The following PIK3AP1 variants were observed in gnomAD, a reference collection of about 807,000 sequenced individuals.
PIK3AP1 encodes the protein phosphoinositide 3-kinase adapter protein 1.
PIK3AP1 carries 21 observed loss-of-function variants against 88.1 expected under a neutral mutation model. That is an observed-to-expected ratio of 0.24 (90% CI 0.17 to 0.34). The LOEUF (loss-of-function observed/expected upper bound fraction) is 0.34, where lower values mean the gene tolerates loss of function less well. PIK3AP1 is among the 10% of genes least tolerant of loss of function. The pLI is 1.00. For missense variants in PIK3AP1, 828 were observed against 1,035.7 expected, an observed-to-expected ratio of 0.80 and a Z score of 2.75; for synonymous variants, 398 against 400.0, an observed-to-expected ratio of 1.00 and a Z score of 0.06.
intron 9 of PIK3AP1, 74 bp downstream of exon 9, chr10:96,628,324 T>C (rs770957349): frequency 7.0e-5 from 91 of 1,300,364 alleles, no homozygotes; most frequent in Non-Finnish European, 9.9e-5. Flanking sequence ...GCAACCCTCA[T>C]AGAGAACCAG....
intron 2 of PIK3AP1, among the ~76,000 whole-genome samples, chr10:96,692,721 A>T (rs1564986040): frequency 6.6e-6 from 1 of 152,240 alleles, no homozygotes; most frequent in Non-Finnish European, 1.5e-5. Context: ...TAGCCTATAA[A>T]AGGGGTATAG....
intron 8 of PIK3AP1, among the ~76,000 whole-genome samples, chr10:96,632,553 A>G (rs200832916): frequency 0.019 from 1,982 of 103,972 alleles, 47 homozygotes; most frequent in African/African-American, 0.056. Context: ...TGTGGAGCAC[A>G]TGTGTGTGGA....
intron 3 of PIK3AP1, among the ~76,000 whole-genome samples, chr10:96,656,028 G>C (rs1308225767): frequency 6.6e-6 from 1 of 152,220 alleles, no homozygotes; most frequent in East Asian, 1.9e-4. Context: ...ACCCACAAGG[G>C]TGAGGAAGCC....
In PIK3AP1 at chr10:96,594,392, C is replaced by T. The variant is rs558112492; in HGVS notation, c.*1185G>A. The T allele has an allele frequency of 5.3e-5, 8 of 152,316 alleles. No homozygotes were observed. The South Asian group carries it at 1.7e-3, about 32-fold the overall frequency. 9.4% of individuals were successfully genotyped at this position (152,316 alleles called of 1,614,324 possible). ...ATTTCTTATAATATCTAATACAATG[C>T]CTACACATCACTTCATTTACATGAA... On this transcript the variant is annotated 3_prime_UTR_variant, in exon 17 of 17. Coordinates refer to ENST00000339364, the MANE Select transcript of PIK3AP1 (RefSeq NM_152309.3). The surrounding 1 kb of genome is among the most constrained non-coding windows in gnomAD (Gnocchi z 4.6).
rs546849857 is a variant in PIK3AP1, at chr10:96,658,296, G to C, written c.431-1362C>G. Among the ~76,000 whole-genome samples, 9 of 152,232 alleles carry C rather than the reference G, an allele frequency of 5.9e-5. No individual in the cohort carries two copies. In the East Asian group the frequency reaches 1.7e-3, roughly 29 times the overall value. ...TTAGTTTGGCTGATTCCTGCAGCCTGGTTTCCTGGAAGAAAATTGGCCTCT... is the reference window on the plus strand; with the variant it reads ...TTAGTTTGGCTGATTCCTGCAGCCTCGTTTCCTGGAAGAAAATTGGCCTCT... On this transcript the variant is annotated intron_variant, in intron 2 of 16. Coordinates refer to ENST00000339364, the MANE Select transcript of PIK3AP1 (RefSeq NM_152309.3).
At chr10:96,623,572 G>T (rs4917745) in intron 10 of PIK3AP1, 35 bp from the exon 11 acceptor site, 1,440,985 of 1,534,756 alleles carry the variant, frequency 0.94, 678,571 homozygotes, top group East Asian at 1. Context: ...TACTGAAAAA[G>T]TATCAAAATC....
At chr10:96,657,744 C>A (rs773104196) in intron 2 of PIK3AP1, among the ~76,000 whole-genome samples, 1 of 152,040 alleles carries the variant, frequency 6.6e-6, no homozygotes, top group Non-Finnish European at 1.5e-5. Flanking sequence ...CATCAGATCC[C>A]CAAAGAGGGA....
At chr10:96,613,900 C>A (rs923191266) in intron 13 of PIK3AP1, among the ~76,000 whole-genome samples, 4 of 152,184 alleles carry the variant, frequency 2.6e-5, no homozygotes, top group African/African-American at 9.7e-5. Context: ...ATGGGGTGGG[C>A]ACTTTCACTT....
chr10:96,643,453 C>T (rs917754651), intron 8 of PIK3AP1, among the ~76,000 whole-genome samples: 6 of 152,098 alleles, frequency 3.9e-5, no homozygotes, highest in East Asian at 1.9e-4. Context: ...ACTTCAGGTC[C>T]GAAATCAAGG....
intron 2 of PIK3AP1, among the ~76,000 whole-genome samples, chr10:96,680,132 GTTC>G (rs934090480): frequency 2.0e-5 from 3 of 152,148 alleles, no homozygotes; most frequent in African/African-American, 7.2e-5. Flanking sequence ...CTTCTTGGTT[GTTC>G]TTCTCTGGAC....
chr10:96,601,176 T>C (rs1848882401), intron 16 of PIK3AP1, among the ~76,000 whole-genome samples: 1 of 152,132 alleles, frequency 6.6e-6, no homozygotes, highest in Non-Finnish European at 1.5e-5. Flanking sequence ...CCTCATTTTA[T>C]AGACAAGGAA....
chr10:96,647,266 T>C (rs1183256335), intron 7 of PIK3AP1, among the ~76,000 whole-genome samples: 1 of 152,220 alleles, frequency 6.6e-6, no homozygotes, highest in Non-Finnish European at 1.5e-5. Context: ...GTGCAAATCC[T>C]GTCTCTGCCC....
chr10:96,685,468 A>G (rs1844056063), intron 2 of PIK3AP1, among the ~76,000 whole-genome samples: 1 of 152,202 alleles, frequency 6.6e-6, no homozygotes, highest in African/African-American at 2.4e-5. Context: ...GCCAATGCTG[A>G]TGAAATAGCA....
intron 2 of PIK3AP1, among the ~76,000 whole-genome samples, chr10:96,682,653 G>T (rs1051444843): frequency 6.6e-6 from 1 of 151,780 alleles, no homozygotes; most frequent in African/African-American, 2.4e-5. Flanking sequence ...TTTTCTTTTC[G>T]CCCCATTAAT....
At chr10:96,713,503 T>TAAAAAAAAAA (rs566830672) in intron 1 of PIK3AP1, among the ~76,000 whole-genome samples, 4 of 84,916 alleles carry the variant, frequency 4.7e-5, no homozygotes, top group Non-Finnish European at 9.5e-5. Context: ...GACTCCGTCT[T>TAAAAAAAAAA]AAAAAAAAAA....
At chr10:96,608,169 G>A (rs77261185) in intron 14 of PIK3AP1, among the ~76,000 whole-genome samples, 3,084 of 152,264 alleles carry the variant, frequency 0.02, 52 homozygotes, top group Non-Finnish European at 0.025. Flanking sequence ...CCTGAAATTA[G>A]TGCATTTCTC....
rs781394648 is a variant in PIK3AP1, at chr10:96,616,671, T to C, written c.1982A>G (p.Gln661Arg). Residue 661 changes from glutamine (Q) to arginine (R), a missense_variant, in exon 13 of 17, where the codon CAG becomes CGG. Transcript: ENST00000339364. ...CTTTCCTGATTTTTGCTTCTCTCTCTGTCTTCGGGTGATGCTGTCTCTTAG... is the reference window on the plus strand; with the variant it reads ...CTTTCCTGATTTTTGCTTCTCTCTCCGTCTTCGGGTGATGCTGTCTCTTAG... ...KRLRDSITRR[Q>R]REKQKSGKQT... 9.9e-6 allele frequency: 16 copies of C among 1,614,214 alleles called. No homozygotes were observed. In the South Asian group the frequency reaches 1.4e-4, roughly 14 times the overall value.
chr10:96,620,999 G>A (rs1273512169), intron 11 of PIK3AP1: 1 of 169,472 alleles, frequency 5.9e-6, no homozygotes, highest in Non-Finnish European at 1.3e-5. Flanking sequence ...AGAGGTCAGG[G>A]ATCCAGTTGC....
chr10:96,606,916 G>C (rs1169094279), intron 14 of PIK3AP1, among the ~76,000 whole-genome samples: 2 of 152,170 alleles, frequency 1.3e-5, no homozygotes, highest in African/African-American at 4.8e-5. Flanking sequence ...GGTTACACTT[G>C]AAACTAGCGT....
Sources: gnomAD v4.1 joint callset for allele counts (sites outside exome capture counted in the v4.1 genomes callset) on GRCh38, gnomAD v4.1.1 for gene constraint, Gnocchi (gnomAD v3.1) non-coding constraint, MANE v1.5 for transcripts, NCBI Gene and HGNC (gene_info 2026-07-23, HGNC 2026-07-21) for gene names.